FAM107B: variants seen among roughly 807,000 people sequenced by gnomAD.
FAM107B encodes protein FAM107B.
FAM107B carries 21 observed loss-of-function variants against 31.5 expected under a neutral mutation model. The ratio of observed to expected loss-of-function variants is 0.67; its 90% CI spans 0.47 to 0.96. The LOEUF (loss-of-function observed/expected upper bound fraction) is 0.96. Ranked by LOEUF, FAM107B falls within the 40% of genes least tolerant of loss-of-function variation. The pLI is 0.00. For synonymous variants in FAM107B, 157 were observed against 141.5 expected, an observed-to-expected ratio of 1.11 and a Z score of -0.78; for missense variants, 452 against 377.1, an observed-to-expected ratio of 1.20 and a Z score of -1.64.
At position 14,520,663 on chromosome 10, in the gene FAM107B, T is replaced by C. The variant is rs1168577119; in HGVS notation, c.*527A>G. ...TTCACGTTCCTTCTCTGGTGTTAAC[T>C]GCAACAGGGGTGAAAGTATAAATTA... On this transcript the variant is annotated 3_prime_UTR_variant, in exon 5 of 5. Coordinates refer to ENST00000181796, the MANE Select transcript of FAM107B (RefSeq NM_031453.4). The C allele has an allele frequency of 6.6e-6, 1 of 152,264 alleles. No individual in the cohort carries two copies. The highest frequency in any genetic ancestry group is 2.4e-5 in the African/African-American group (1 of 41,466). The allele number at this position is 152,264 out of a possible 1,614,324, so 9.4% of individuals were successfully genotyped here.
chr10:14,632,159 A>C (rs1278268631), intron 2 of FAM107B, among the ~76,000 whole-genome samples: 1 of 151,926 alleles, frequency 6.6e-6, no homozygotes, highest in East Asian at 1.9e-4. Context: ...TTAGCCAGTC[A>C]TGGTGGCGTG....
chr10:14,753,522 C>T (rs187261849), intron 1 of FAM107B, among the ~76,000 whole-genome samples: 50 of 152,306 alleles, frequency 3.3e-4, no homozygotes, highest in Admixed American at 3.3e-3. Context: ...CCAGAGAGCA[C>T]CAGTGTAATT....
chr10:14,540,798 A>T (rs932027323), intron 2 of FAM107B, among the ~76,000 whole-genome samples: 1 of 152,202 alleles, frequency 6.6e-6, no homozygotes, highest in Non-Finnish European at 1.5e-5. Context: ...ACAGGTGTCA[A>T]GTTGAGCTCC....
chr10:14,540,466 C>T (rs1265239973), intron 2 of FAM107B, among the ~76,000 whole-genome samples: 4 of 152,220 alleles, frequency 2.6e-5, no homozygotes, highest in African/African-American at 9.7e-5. Context: ...GTGACACTCT[C>T]CTGGGCCTCT....
At chr10:14,536,473 G>T (rs2130912800) in intron 2 of FAM107B, among the ~76,000 whole-genome samples, 1 of 152,256 alleles carries the variant, frequency 6.6e-6, no homozygotes, top group Non-Finnish European at 1.5e-5. Flanking sequence ...CTCCAGGCCG[G>T]GTCAGCCTGA....
chr10:14,708,222 T>C (rs559751168), intron 1 of FAM107B, among the ~76,000 whole-genome samples: 64 of 152,244 alleles, frequency 4.2e-4, no homozygotes, highest in Middle Eastern at 6.8e-3. Flanking sequence ...GGATTACAGG[T>C]GCCTGGCACC....
At chr10:14,548,531 G>A in intron 2 of FAM107B, 1 of 985,478 alleles carries the variant, frequency 1.0e-6, no homozygotes, top group East Asian at 1.1e-4. Context: ...CTTGGAGGTG[G>A]CAGGAGGAAC....
intron 1 of FAM107B, among the ~76,000 whole-genome samples, chr10:14,703,485 G>A (rs900256289): frequency 7.2e-5 from 11 of 151,924 alleles, no homozygotes; most frequent in Non-Finnish European, 5.9e-5. Context: ...ACAGGCGTGC[G>A]TCATCACCCC....
At chr10:14,603,913 G>C (rs1373806176) in intron 2 of FAM107B, among the ~76,000 whole-genome samples, 14 of 150,798 alleles carry the variant, frequency 9.3e-5, no homozygotes, top group Non-Finnish European at 1.5e-5. Context: ...ACACCGCGCC[G>C]GGTAGGGCTC....
At chr10:14,755,087 G>C (rs1318803415) in intron 1 of FAM107B, among the ~76,000 whole-genome samples, 2 of 152,104 alleles carry the variant, frequency 1.3e-5, no homozygotes. Context: ...GCATATTTTA[G>C]ATGAATAGAA....
intron 1 of FAM107B, among the ~76,000 whole-genome samples, chr10:14,689,379 C>CAAAAAAA (rs200283842): frequency 5.4e-5 from 7 of 128,694 alleles, no homozygotes; most frequent in African/African-American, 2.0e-4. Context: ...GACCCTATCT[C>CAAAAAAA]AAAAAAAAAA....
intron 1 of FAM107B, among the ~76,000 whole-genome samples, chr10:14,721,600 T>G (rs893004760): frequency 6.6e-6 from 1 of 152,248 alleles, no homozygotes; most frequent in East Asian, 1.9e-4. Context: ...TGGCCAGTGA[T>G]GATGAGCATT....
chr10:14,580,601 G>A (rs376524387), intron 2 of FAM107B, among the ~76,000 whole-genome samples: 1 of 152,002 alleles, frequency 6.6e-6, no homozygotes, highest in African/African-American at 2.4e-5. Flanking sequence ...CACATGGAAT[G>A]TTACACAAGG....
chr10:14,584,402 T>C (rs372477760), intron 2 of FAM107B, among the ~76,000 whole-genome samples: 10 of 152,248 alleles, frequency 6.6e-5, no homozygotes, highest in Non-Finnish European at 1.5e-4. Flanking sequence ...ATGAGAATTA[T>C]GCTTTCGCAC....
intron 2 of FAM107B, among the ~76,000 whole-genome samples, chr10:14,635,955 C>T (rs1191242423): frequency 6.6e-6 from 1 of 152,070 alleles, no homozygotes; most frequent in Non-Finnish European, 1.5e-5. Flanking sequence ...CACTGAAATT[C>T]TGTGATAAAT....
chr10:14,676,930 T>A (rs1274657344), intron 1 of FAM107B, among the ~76,000 whole-genome samples: 1 of 152,226 alleles, frequency 6.6e-6, no homozygotes, highest in African/African-American at 2.4e-5. Context: ...CAGCATCCAC[T>A]GACTTGGTTG....
chr10:14,662,168 G>T (rs923763719), intron 2 of FAM107B, among the ~76,000 whole-genome samples: 5 of 152,076 alleles, frequency 3.3e-5, no homozygotes, highest in African/African-American at 1.2e-4. Context: ...GGATTGCAAC[G>T]CATCTTTAAA....
intron 4 of FAM107B, 140 bp downstream of exon 4, chr10:14,521,729 T>C (rs1845655394): frequency 7.9e-7 from 1 of 1,269,918 alleles, no homozygotes; most frequent in Non-Finnish European, 1.1e-6. Context: ...TTGACCCCAT[T>C]TGCTGACATT....
chr10:14,765,451 T>C (rs1833143439), intron 1 of FAM107B, among the ~76,000 whole-genome samples: 1 of 152,214 alleles, frequency 6.6e-6, no homozygotes, highest in Non-Finnish European at 1.5e-5. Context: ...GGGATGCAAC[T>C]AAATATCCAG....
Sources: allele counts gnomAD v4.1 joint callset (sites outside exome capture counted in the v4.1 genomes callset), GRCh38; gene constraint gnomAD v4.1.1; transcripts MANE v1.5; gene names NCBI Gene and HGNC (gene_info 2026-07-23, HGNC 2026-07-21).